Variants in CTIF observed in about 807,000 individuals in gnomAD.
The protein encoded by CTIF is CBP80/20-dependent translation initiation factor.
CTIF carries 21 observed loss-of-function variants against 66.0 expected under a neutral mutation model. That is an observed-to-expected ratio of 0.32 (90% confidence interval 0.23 to 0.46). CTIF has a LOEUF of 0.46. Ranked by LOEUF, CTIF falls within the 20% of genes least tolerant of loss-of-function variation. The pLI is 1.00. For synonymous variants in CTIF, 345 were observed against 326.4 expected (o/e 1.06, Z -0.62); for missense variants, 739 against 812.7 (o/e 0.91, Z 1.10).
chr18:48,568,647 A>G (rs866721957), intron 1 of CTIF, among the ~76,000 whole-genome samples: 88 of 127,246 alleles, frequency 6.9e-4, no homozygotes, highest in Middle Eastern at 4.0e-3. Context: ...AAAAAAAAAA[A>G]AAAAAAAAAA....
At chr18:48,680,024 G>A (rs944947229) in intron 6 of CTIF, among the ~76,000 whole-genome samples, 5 of 152,158 alleles carry the variant, frequency 3.3e-5, no homozygotes, top group Non-Finnish European at 5.9e-5. Context: ...GACCAAATAG[G>A]GACTCAGCCG....
chr18:48,561,582 T>A (rs1030717720), intron 1 of CTIF, among the ~76,000 whole-genome samples: 5 of 152,268 alleles, frequency 3.3e-5, no homozygotes, highest in African/African-American at 1.2e-4. Context: ...CAGGGGACAC[T>A]CCATCCCTGT....
chr18:48,792,226 A>G (rs1166573139), intron 9 of CTIF, among the ~76,000 whole-genome samples: 1 of 151,948 alleles, frequency 6.6e-6, no homozygotes, highest in Non-Finnish European at 1.5e-5. Flanking sequence ...TCCTGGTCAA[A>G]GAGAAAGAGC....
intron 7 of CTIF, among the ~76,000 whole-genome samples, chr18:48,752,357 T>A (rs2145826483): frequency 6.6e-6 from 1 of 152,180 alleles, no homozygotes; most frequent in East Asian, 1.9e-4. Context: ...ATCATGATAA[T>A]GATGGCTCTG....
chr18:48,601,405 G>A (rs1319522251), intron 1 of CTIF, among the ~76,000 whole-genome samples: 1 of 152,212 alleles, frequency 6.6e-6, no homozygotes, highest in Non-Finnish European at 1.5e-5. Context: ...TTAACACTGG[G>A]TTTGGCAAGG....
intron 1 of CTIF, among the ~76,000 whole-genome samples, chr18:48,540,775 G>T (rs1385666992): frequency 6.6e-6 from 1 of 152,104 alleles, no homozygotes; most frequent in Non-Finnish European, 1.5e-5. Context: ...GGGGACAAGC[G>T]TGGGCCCCGA....
intron 7 of CTIF, among the ~76,000 whole-genome samples, chr18:48,716,510 A>G (rs1391353710): frequency 6.6e-6 from 1 of 151,812 alleles, no homozygotes; most frequent in African/African-American, 2.4e-5. Flanking sequence ...TGTCCTCTAA[A>G]TGCTCCTCTG....
At position 48,861,247 on chromosome 18, in the gene CTIF, GC is replaced by G. The variant is rs2069461114; in HGVS notation, c.*1690del. 6.6e-6 allele frequency: 1 copy of G among 152,294 alleles called. No individual in the cohort carries two copies. Among genetic ancestry groups the G allele is most frequent in the African/African-American group, 2.4e-5 (1 of 41,440 alleles). The allele number at this position is 152,294 out of a possible 1,614,324, so 9.4% of individuals were successfully genotyped here. ...GAGCCTTTGCCTGTCTCTAAAAAGA[GC>G]CTGTTGGCGACAAGGTGTAGGGGGC... On this transcript the variant is annotated 3_prime_UTR_variant, in exon 12 of 12. Transcript: ENST00000256413.
In CTIF at chr18:48,598,999, C is replaced by G. The variant is rs574245766; in HGVS notation, c.-28-20539C>G. On this transcript the variant is annotated intron_variant, in intron 1 of 11. Coordinates refer to ENST00000256413, the MANE Select transcript of CTIF (RefSeq NM_014772.3). ...CATGGAGTGATCAATGGATAGGATG[C>G]CGCCACCTTTGACCTGAAGACTTTA... is the stretch of plus-strand genomic sequence containing the variant. 3.9e-5 allele frequency among the ~76,000 whole-genome samples: 6 copies of G among 152,168 alleles called. No homozygotes were observed. In the East Asian group the frequency reaches 1.2e-3, roughly 29 times the overall value.
chr18:48,692,925 C>T (rs1411769098), intron 6 of CTIF, among the ~76,000 whole-genome samples: 1 of 152,202 alleles, frequency 6.6e-6, no homozygotes, highest in African/African-American at 2.4e-5. Context: ...GTGAATATGG[C>T]TAAGCCTATT....
intron 8 of CTIF, among the ~76,000 whole-genome samples, chr18:48,758,621 G>A (rs1331404343): frequency 6.6e-6 from 1 of 152,130 alleles, no homozygotes; most frequent in Non-Finnish European, 1.5e-5. Context: ...GCACACTTGG[G>A]CTTTTCACCT....
At chr18:48,702,247 G>C (rs1037494826) in intron 6 of CTIF, among the ~76,000 whole-genome samples, 2 of 152,186 alleles carry the variant, frequency 1.3e-5, no homozygotes, top group Non-Finnish European at 2.9e-5. Context: ...TATTCCCTTG[G>C]AGCATCCAAG....
At chr18:48,786,860 C>T (rs1568217989) in intron 9 of CTIF, among the ~76,000 whole-genome samples, 1 of 151,876 alleles carries the variant, frequency 6.6e-6, no homozygotes, top group Non-Finnish European at 1.5e-5. Context: ...CCCACCCACC[C>T]CCAGTCAAAT....
At chr18:48,792,372 G>A (rs2067813460) in intron 9 of CTIF, among the ~76,000 whole-genome samples, 1 of 152,214 alleles carries the variant, frequency 6.6e-6, no homozygotes, top group Admixed American at 6.5e-5. Flanking sequence ...ACAAGGACGA[G>A]ATTAGCTCTG....
intron 7 of CTIF, among the ~76,000 whole-genome samples, chr18:48,718,096 G>C (rs1257839099): frequency 2.0e-5 from 3 of 152,114 alleles, no homozygotes; most frequent in South Asian, 2.1e-4. Flanking sequence ...GCTAGTAACT[G>C]TTTCAAAAAA....
chr18:48,633,155 C>G (rs1372891620), intron 2 of CTIF, among the ~76,000 whole-genome samples: 1 of 152,062 alleles, frequency 6.6e-6, no homozygotes, highest in Non-Finnish European at 1.5e-5. Context: ...GTTCAGGATG[C>G]CTGGAAGGGG....
At position 48,695,222 on chromosome 18, in the gene CTIF, T is replaced by C. The variant is rs977365392; in HGVS notation, c.508-16397T>C. Among the ~76,000 whole-genome samples the C allele has an allele frequency of 2.0e-5, 3 of 152,214 alleles. No homozygotes were observed. The East Asian group carries it at 5.8e-4, about 29-fold the overall frequency. On this transcript the variant is annotated intron_variant, in intron 6 of 11. Coordinates refer to ENST00000256413, the MANE Select transcript of CTIF (RefSeq NM_014772.3). ...GTGCTGGAATTGTTTACAGAGCGAG[T>C]GCCCACCACAATTGGGGCTAACCCT...
chr18:48,562,845 C>T (rs1183078622), intron 1 of CTIF, among the ~76,000 whole-genome samples: 2 of 152,196 alleles, frequency 1.3e-5, no homozygotes, highest in Non-Finnish European at 2.9e-5. Context: ...CCATGCCCCA[C>T]ACAAATATGA....
At chr18:48,551,778 T>A (rs1217874130) in intron 1 of CTIF, among the ~76,000 whole-genome samples, 3 of 151,454 alleles carry the variant, frequency 2.0e-5, no homozygotes, top group Non-Finnish European at 2.9e-5. Flanking sequence ...GAAACCTGGG[T>A]GATCCAATAA....
Sources: gnomAD v4.1 joint callset for allele counts (sites outside exome capture counted in the v4.1 genomes callset) on GRCh38, gnomAD v4.1.1 for gene constraint, MANE v1.5 for transcripts, NCBI Gene and HGNC (gene_info 2026-07-23, HGNC 2026-07-21) for gene names.